DCTN1: variants seen among roughly 807,000 people sequenced by gnomAD.
DCTN1 encodes dynactin subunit 1.
DCTN1 carries 61 observed loss-of-function variants against 161.2 expected under a neutral mutation model. The observed-to-expected ratio is 0.38, with a 90% confidence interval of 0.31 to 0.47. DCTN1 has a LOEUF of 0.47. Among genes scored for constraint, DCTN1 ranks in the 20% least tolerant of loss-of-function variants. The probability of loss-of-function intolerance (pLI) is 0.99; values close to 1 mark genes in which losing one functional copy is unlikely to be tolerated. For missense variants in DCTN1, 1,404 were observed against 1,623.7 expected (o/e 0.86, Z 2.33); for synonymous variants, 653 against 632.4 (o/e 1.03, Z -0.49).
At chr2:74,389,789 A>C (rs1289592586) in intron 1 of DCTN1, among the ~76,000 whole-genome samples, 1 of 152,242 alleles carries the variant, frequency 6.6e-6, no homozygotes, top group Non-Finnish European at 1.5e-5. Context: ...ATCAAATGAA[A>C]TCATGCCTGT....
intron 16 of DCTN1, chr2:74,368,361 G>T: frequency 1.6e-6 from 1 of 637,218 alleles, no homozygotes; most frequent in Non-Finnish European, 2.7e-6. Context: ...AGTGGGACCG[G>T]TGGAATCAAG....
chr2:74,366,984 G>A (rs762102234), intron 20 of DCTN1, 52 bp from the exon 21 acceptor site: 4 of 1,614,044 alleles, frequency 2.5e-6, no homozygotes, highest in African/African-American at 1.3e-5. Context: ...TTAAGGCTCG[G>A]AGTAAGGAAG....
chr2:74,368,962 T>C (rs1674626987), intron 15 of DCTN1, 82 bp from the exon 16 acceptor site: 5 of 1,588,988 alleles, frequency 3.1e-6, no homozygotes, highest in Non-Finnish European at 3.5e-6. Flanking sequence ...AGTAGATCCC[T>C]TGCTTCTAGG....
At chr2:74,381,043 G>T (rs1276477919), upstream of DCTN1, among the ~76,000 whole-genome samples, 1 of 152,094 alleles carries the variant, frequency 6.6e-6, no homozygotes, top group South Asian at 2.1e-4. Context: ...CCAATGAAAT[G>T]GTTTATTTTC....
At chr2:74,361,761 G>A (rs1312595399) in intron 31 of DCTN1, 125 bp from the exon 32 acceptor site, 5 of 1,250,038 alleles carry the variant, frequency 4.0e-6, no homozygotes, top group Non-Finnish European at 5.7e-6. Flanking sequence ...TGAGATCCTG[G>A]GCTATTGTGA....
At position 74,361,357 on chromosome 2, in the gene DCTN1, T is replaced by C; in HGVS notation, c.*142A>G. The C allele has an allele frequency of 8.3e-7, 1 of 1,202,356 alleles. No individual in the cohort carries two copies. 74.5% of individuals were successfully genotyped at this position (1,202,356 alleles called of 1,614,324 possible). On this transcript the variant is annotated 3_prime_UTR_variant, in exon 32 of 32. Coordinates refer to ENST00000628224, the MANE Select transcript of DCTN1 (RefSeq NM_004082.5). ...GGGTCAAGGTGAAGGGGCAGGACGC[T>C]GAAAGGGTGGGAGTGAAGCTGAACG...
Position 74,365,256 on chromosome 2 carries a change from C to G in DCTN1, c.3030-15G>C. On this transcript the variant is annotated splice_polypyrimidine_tract_variant and intron_variant, in intron 25 of 31. Coordinates refer to ENST00000628224, the MANE Select transcript of DCTN1 (RefSeq NM_004082.5). Reference sequence around the variant, plus strand: ...CCTCAAACTCTCTGTGAAAGAGAATCTGGGCTTTGGCAGTGTCCCTTCTCT... The same window carrying G: ...CCTCAAACTCTCTGTGAAAGAGAATGTGGGCTTTGGCAGTGTCCCTTCTCT... 6.2e-7 allele frequency: 1 copy of G among 1,614,106 alleles called. No individual in the cohort carries two copies. The highest frequency in any genetic ancestry group is 1.1e-5 in the South Asian group (1 of 91,064).
chr2:74,374,083 G>A, intron 6 of DCTN1: 1 of 572,518 alleles, frequency 1.7e-6, no homozygotes, highest in Non-Finnish European at 3.3e-6. Flanking sequence ...AAGCCTGTGA[G>A]GCCACTGGGT....
In DCTN1 at chr2:74,378,128, G is replaced by A; in HGVS notation, c.151C>T (p.Leu51=). The change falls in exon 2 of 32, where the codon CTG becomes TTG. Residue 51 remains leucine (L), a synonymous_variant. Coordinates refer to ENST00000628224, the MANE Select transcript of DCTN1 (RefSeq NM_004082.5). ...CCTACCCATTTGCCAGTGGCAAACA[G>A]TGTGGCTCCAACATAGGCCACAGTG... ...RGTVAYVGAT[L]FATGKWVGVI... is the part of the protein sequence containing the mutation. The A allele has an allele frequency of 6.2e-7, 1 of 1,614,254 alleles. No homozygotes were observed. Among genetic ancestry groups the A allele is most frequent in the Non-Finnish European group, 8.5e-7 (1 of 1,180,050 alleles).
chr2:74,391,821 C>G (rs544005986), exon 1 of DCTN1: 1 of 453,944 alleles, frequency 2.2e-6, no homozygotes, highest in African/African-American at 2.0e-5. Flanking sequence ...CCGCGCCCAG[C>G]TCCGACCCCA....
chr2:74,363,824 A>C (rs1646876218), intron 26 of DCTN1, 196 bp from the exon 27 acceptor site: 1 of 725,290 alleles, frequency 1.4e-6, no homozygotes, highest in Non-Finnish European at 2.4e-6. Flanking sequence ...AAAGAAAGAC[A>C]CCAAACAGGA....
Position 74,368,084 on chromosome 2 carries a change from C to A in DCTN1, c.1902G>T (p.Glu634Asp), listed in dbSNP as rs1365131732. The A allele has an allele frequency of 1.2e-6, 2 of 1,607,716 alleles. No homozygotes were observed. The highest frequency in any genetic ancestry group is 2.7e-5 in the African/African-American group (2 of 74,774). ...KQAQEKFELS[E>D]NCSERPGLRG... ...GCAGCCCAGGCCGCTCTGAACAGTT[C>A]TCACTTAGTTCAAACTTCTCCTGGG... Residue 634 changes from glutamate to aspartate, a missense_variant, in exon 17 of 32, where the codon GAG becomes GAT. Physicochemically the swap from Glu to Asp is conservative, Grantham distance 45 (BLOSUM62 2). Transcript: ENST00000628224.
Position 74,380,267 on chromosome 2 carries a change from C to A in DCTN1, c.-230G>T, listed in dbSNP as rs1268879933. On this transcript the variant is annotated 5_prime_UTR_variant, in exon 1 of 32. Coordinates refer to ENST00000628224, the MANE Select transcript of DCTN1 (RefSeq NM_004082.5). ...CCTCTGCTGCCTGAGGATTCCTGAA[C>A]CCAGAGACACAGAATCCTGCTTGCC... 4.3e-5 allele frequency: 27 copies of A among 623,454 alleles called. No individual in the cohort carries two copies. The Admixed American group carries it at 5.0e-4, about 11-fold the overall frequency. 38.6% of individuals were successfully genotyped at this position (623,454 alleles called of 1,614,324 possible).
At chr2:74,372,970 G>C in intron 6 of DCTN1, 22 bp from the exon 7 acceptor site, 1 of 1,613,380 alleles carries the variant, frequency 6.2e-7, no homozygotes, top group South Asian at 1.1e-5. Flanking sequence ...ACAGGAGCCA[G>C]AAGAGAAGTA....
intron 26 of DCTN1, 101 bp from the exon 27 acceptor site, chr2:74,363,729 T>G: frequency 6.7e-7 from 1 of 1,488,030 alleles, no homozygotes. Flanking sequence ...GGACACAACC[T>G]GCAGGAAAAC....
intron 5 of DCTN1, among the ~76,000 whole-genome samples, chr2:74,376,025 A>C (rs1224803079): frequency 6.6e-6 from 1 of 152,162 alleles, no homozygotes; most frequent in East Asian, 1.9e-4. Context: ...GGCCCAAGGC[A>C]GGGGCTGGTT....
At position 74,372,931 on chromosome 2, in the gene DCTN1, G is replaced by A. The variant is rs762745227; in HGVS notation, c.450C>T (p.Pro150=). 1.4e-5 allele frequency: 23 copies of A among 1,614,046 alleles called. No homozygotes were observed. The East Asian group carries it at 3.1e-4, about 22-fold the overall frequency. Residue 150 remains proline (P), a synonymous_variant, in exon 7 of 32, where the codon CCC becomes CCT. Transcript: ENST00000628224. The part of the protein sequence containing the change: ...PTARKTTTRR[P]KPTRPASTGV... ...ACACAGGGGCCTGTTTTCTCACCTT[G>A]GGTCGCCGAGTTGTGGTCTGGACAG... is the stretch of plus-strand genomic sequence containing the variant.
At position 74,363,389 on chromosome 2, in the gene DCTN1, GGCCTGGCACAGACCCTGGA is replaced by G; in HGVS notation, c.3231_3249del (p.Pro1078GlnfsTer4). On this transcript the variant is annotated frameshift_variant, in exon 28 of 32. Transcript: ENST00000628224. LOFTEE classifies it high-confidence loss of function. Reference sequence around the variant, plus strand: ...AGTGGTGAGTCCTTCACCAGCCCTGGGCCTGGCACAGACCCTGGAGCCTGCCCAGGGATGGCTCCTGTGG... The same window carrying G: ...AGTGGTGAGTCCTTCACCAGCCCTGGGCCTGCCCAGGGATGGCTCCTGTGG... The G allele has an allele frequency of 6.2e-7, 1 of 1,612,570 alleles. No homozygotes were observed. The highest frequency in any genetic ancestry group is 8.5e-7 in the Non-Finnish European group (1 of 1,179,606).
intron 19 of DCTN1, 81 bp from the exon 20 acceptor site, chr2:74,367,188 C>T: frequency 1.3e-5 from 21 of 1,571,232 alleles, no homozygotes; most frequent in Non-Finnish European, 1.8e-5. Flanking sequence ...AGTCCCCATC[C>T]TCTGCTGACC....
Sources: allele counts gnomAD v4.1 joint callset (sites outside exome capture counted in the v4.1 genomes callset), GRCh38; gene constraint gnomAD v4.1.1; transcripts MANE v1.5; gene names NCBI Gene and HGNC (gene_info 2026-07-23, HGNC 2026-07-21).